MPRIP: variants seen among roughly 807,000 people sequenced by gnomAD.
MPRIP encodes myosin phosphatase Rho interacting protein.
A neutral mutation model predicts 234.9 loss-of-function variants in MPRIP; 59 were observed. That is an observed-to-expected ratio of 0.25 (90% CI 0.20 to 0.31). The LOEUF (loss-of-function observed/expected upper bound fraction) is 0.31. Ranked by LOEUF, MPRIP falls within the 10% of genes least tolerant of loss-of-function variation. The pLI is 1.00. For missense variants in MPRIP, 2,436 were observed against 3,071.0 expected (o/e 0.79, Z 4.89); for synonymous variants, 1,144 against 1,263.9 (o/e 0.91, Z 2.01).
At position 17,042,781 on chromosome 17, in the gene MPRIP, C is replaced by G; in HGVS notation, c.-68C>G. On this transcript the variant is annotated 5_prime_UTR_variant, in exon 1 of 24. Transcript: ENST00000651222. ...CGGCGCGGCCGCGCTGAGCCCCTAG[C>G]CCGCCGGGAGCGCCAGGCCGGCCAG... The G allele has an allele frequency of 9.8e-7, 1 of 1,018,576 alleles. No individual in the cohort carries two copies. Among genetic ancestry groups the G allele is most frequent in the Non-Finnish European group, 1.2e-6 (1 of 853,126 alleles). The allele number at this position is 1,018,576 out of a possible 1,614,324, so 63.1% of individuals were successfully genotyped here.
intron 21 of MPRIP, among the ~76,000 whole-genome samples, chr17:17,176,957 G>A (rs935951915): frequency 1.3e-5 from 2 of 152,174 alleles, no homozygotes; most frequent in African/African-American, 4.8e-5. Context: ...CAAGGGAGGG[G>A]CCTGGGCACT....
intron 5 of MPRIP, among the ~76,000 whole-genome samples, chr17:17,132,916 C>G (rs1372139536): frequency 1.3e-5 from 2 of 152,114 alleles, no homozygotes; most frequent in Non-Finnish European, 2.9e-5. Flanking sequence ...TGGAGAGAAA[C>G]AAAAAAATCA....
In MPRIP at chr17:17,164,449, G is replaced by A. The variant is rs968770480; in HGVS notation, c.2858G>A (p.Arg953Lys). 21 of 1,246,696 alleles carry A rather than the reference G, an allele frequency of 1.7e-5. No individual in the cohort carries two copies. The African/African-American group carries it at 3.3e-4, about 19-fold the overall frequency. 77.2% of individuals were successfully genotyped at this position (1,246,696 alleles called of 1,614,324 possible). Residue 953 changes from arginine (R) to lysine (K), a missense_variant, in exon 16 of 24, where the codon AGG (arginine) becomes AAG (lysine). Physicochemically the swap from Arg to Lys is conservative, Grantham distance 26. This residue lies in a region of MPRIP where 1,998 missense variants were observed against 2,520.3 expected (regional missense o/e 0.79). Coordinates refer to ENST00000651222, the MANE Select transcript of MPRIP (RefSeq NM_001364716.4). ...HSEAALSSQLRASEQKLKSAE... is the reference protein window; with the variant it reads ...HSEAALSSQLKASEQKLKSAE... ...GAGGCGGCGCTGAGCAGCCAGCTGA[G>A]GGCTAGCGAGCAGAAGCTCAAGAGT...
In MPRIP at chr17:17,055,340, G is replaced by A. The variant is rs545543417; in HGVS notation, c.123+12369G>A. On this transcript the variant is annotated intron_variant, in intron 1 of 23. Transcript: ENST00000651222. ...CTGGGAAGGAAAATCCTTGTGCCGGGCCTGGTTGAAATGCCCAAGGAAGGT... is the reference window on the plus strand; with the variant it reads ...CTGGGAAGGAAAATCCTTGTGCCGGACCTGGTTGAAATGCCCAAGGAAGGT... Among the ~76,000 whole-genome samples the A allele has an allele frequency of 7.2e-5, 11 of 152,304 alleles. No homozygotes were observed. In the South Asian group the frequency reaches 2.3e-3, roughly 32 times the overall value.
At chr17:17,076,087 G>A in intron 2 of MPRIP, 1 of 313,236 alleles carries the variant, frequency 3.2e-6, no homozygotes, top group Non-Finnish European at 5.9e-6. Flanking sequence ...TTAAAGGTTT[G>A]CATTATACCG....
chr17:17,051,985 C>A (rs1187903709), intron 1 of MPRIP, among the ~76,000 whole-genome samples: 1 of 152,242 alleles, frequency 6.6e-6, no homozygotes, highest in Non-Finnish European at 1.5e-5. Context: ...ATCCTTTGAA[C>A]CTCTACCTAC....
At chr17:17,146,603 A>T (rs940728834) in intron 10 of MPRIP, among the ~76,000 whole-genome samples, 2 of 152,296 alleles carry the variant, frequency 1.3e-5, no homozygotes, top group African/African-American at 4.8e-5. Flanking sequence ...CTCAAGCAGG[A>T]AGAGCCATCT....
intron 1 of MPRIP, among the ~76,000 whole-genome samples, chr17:17,056,947 G>T (rs1026415126): frequency 6.6e-6 from 1 of 152,222 alleles, no homozygotes; most frequent in African/African-American, 2.4e-5. Context: ...TTGCAGCACA[G>T]GTCAGAATTC....
chr17:17,045,517 A>T (rs186110425), intron 1 of MPRIP, among the ~76,000 whole-genome samples: 1 of 152,296 alleles, frequency 6.6e-6, no homozygotes, highest in Admixed American at 6.5e-5. Flanking sequence ...AGGATTCTGA[A>T]GCCAATGTTA....
At chr17:17,121,888 C>T (rs1197572088) in intron 3 of MPRIP, among the ~76,000 whole-genome samples, 1 of 152,178 alleles carries the variant, frequency 6.6e-6, no homozygotes, top group Non-Finnish European at 1.5e-5. Flanking sequence ...ATTTAGCTCC[C>T]ACTTACAAGT....
At chr17:17,112,779 G>A (rs897653308) in intron 3 of MPRIP, among the ~76,000 whole-genome samples, 4 of 152,224 alleles carry the variant, frequency 2.6e-5, no homozygotes, top group Non-Finnish European at 5.9e-5. Context: ...AGCCGGTGGC[G>A]TTGAGGGGGA....
At position 17,161,259 on chromosome 17, in the gene MPRIP, A is replaced by G; in HGVS notation, c.2420A>G (p.Glu807Gly). 1 of 1,601,630 alleles carries G rather than the reference A, an allele frequency of 6.2e-7. No individual in the cohort carries two copies. The highest frequency in any genetic ancestry group is 2.2e-5 in the East Asian group (1 of 44,544). Residue 807 changes from glutamate (E) to glycine (G), a missense_variant, in exon 15 of 24, where the codon GAG becomes GGG. Glu to Gly is a moderately conservative substitution (Grantham distance 98). Around this residue, in one of 4 missense-constraint regions of MPRIP, gnomAD observed 1,998 missense variants for 2,520.3 expected, o/e 0.79. Coordinates refer to ENST00000651222, the MANE Select transcript of MPRIP (RefSeq NM_001364716.4). ...CAACAGCTGGAGCAGAGCCAGAAGG[A>G]GGCCTCAGACCTTCTGGAGCAGAAC... ...LEKELEQSQKEASDLLEQNRL... is the reference protein window; with the variant it reads ...LEKELEQSQKGASDLLEQNRL...
rs1486816248 is a variant in MPRIP at position 17,165,072 on chromosome 17, A to G, written c.3481A>G (p.Thr1161Ala). The G allele has an allele frequency of 7.7e-7, 1 of 1,303,152 alleles. No individual in the cohort carries two copies. The highest frequency in any genetic ancestry group is 1.2e-5 in the South Asian group (1 of 81,026). 80.7% of individuals were successfully genotyped at this position (1,303,152 alleles called of 1,614,324 possible). A position where few individuals can be genotyped will look rare whatever the true frequency, so the allele number is the denominator to read the frequency against. ...CTCCAGCCAGCTGCAGAGCATGCAC[A>G]CTCTGCTGAGAGAGAAGGAGGAAGA... The part of the protein sequence containing the change: ...RVSSQLQSMH[T>A]LLREKEEELE... Residue 1161 changes from threonine to alanine, a missense_variant, in exon 16 of 24, where the codon ACT (threonine) becomes GCT (alanine). Physicochemically the swap from Thr to Ala is moderately conservative, Grantham distance 58 (BLOSUM62 0). Coordinates refer to ENST00000651222, the MANE Select transcript of MPRIP (RefSeq NM_001364716.4).
chr17:17,190,534 CATT>C lies in MPRIP; in HGVS notation c.*5643_*5645del, dbSNP rs2046566563. 6.6e-6 allele frequency: 1 copy of C among 152,230 alleles called. No individual in the cohort carries two copies. The highest frequency in any genetic ancestry group is 6.5e-5 in the Admixed American group (1 of 15,290). The allele number at this position is 152,230 out of a possible 1,614,324, so 9.4% of individuals were successfully genotyped here. A position where few individuals can be genotyped will look rare whatever the true frequency, so the allele number is the denominator to read the frequency against. ...GGCATAAACCCAGCATGGAAAGGAA[CATT>C]ATCAGTTATCTCAAATTTTGTCTGC... On this transcript the variant is annotated 3_prime_UTR_variant, in exon 24 of 24. Transcript: ENST00000651222.
At chr17:17,055,986 G>A (rs1460932533) in intron 1 of MPRIP, among the ~76,000 whole-genome samples, 1 of 152,228 alleles carries the variant, frequency 6.6e-6, no homozygotes, top group East Asian at 1.9e-4. Flanking sequence ...TCCTCTGGTG[G>A]CAAAGCCGGG....
intron 1 of MPRIP, among the ~76,000 whole-genome samples, chr17:17,067,591 T>C (rs559362542): frequency 6.6e-6 from 1 of 152,244 alleles, no homozygotes; most frequent in African/African-American, 2.4e-5. Flanking sequence ...TGGTTGACCG[T>C]GGGTAAGGGA....
intron 3 of MPRIP, among the ~76,000 whole-genome samples, chr17:17,087,254 C>T (rs1276623349): frequency 6.6e-6 from 1 of 152,146 alleles, no homozygotes; most frequent in Non-Finnish European, 1.5e-5. Flanking sequence ...AGTGACTGAA[C>T]CACAGATGTG....
Position 17,161,304 on chromosome 17 carries a change from TGA to T in MPRIP, c.2467_2468del (p.Arg823GlyfsTer11), listed in dbSNP as rs1368846817. On this transcript the variant is annotated frameshift_variant, in exon 15 of 24. Coordinates refer to ENST00000651222, the MANE Select transcript of MPRIP (RefSeq NM_001364716.4). LOFTEE classifies it high-confidence loss of function. ...CAGAACCGGCTCCTGCAGGACCAGCTGAGGGTGGCCCTGGGCCGGGAGCAGAG... is the reference window on the plus strand; with the variant it reads ...CAGAACCGGCTCCTGCAGGACCAGCTGGGTGGCCCTGGGCCGGGAGCAGAG... The T allele has an allele frequency of 6.3e-7, 1 of 1,597,376 alleles. No individual in the cohort carries two copies. The highest frequency in any genetic ancestry group is 8.5e-7 in the Non-Finnish European group (1 of 1,170,126).
chr17:17,143,534 C>G (rs749081461), intron 8 of MPRIP, 22 bp from the exon 9 acceptor site: 2 of 1,537,536 alleles, frequency 1.3e-6, no homozygotes, highest in Non-Finnish European at 1.8e-6. Context: ...CTGCACTGAC[C>G]AGCGGCTGCT....
Sources: gnomAD v4.1 joint callset for allele counts (sites outside exome capture counted in the v4.1 genomes callset) on GRCh38, gnomAD v4.1.1 for gene constraint, gnomAD v4.1.1 regional missense constraint, MANE v1.5 for transcripts, NCBI Gene and HGNC (gene_info 2026-07-23, HGNC 2026-07-21) for gene names.